The following RYR3 variants were observed in gnomAD, a reference collection of about 807,000 sequenced individuals.
RYR3 encodes the protein brain ryanodine receptor-calcium release channel.
A neutral mutation model predicts 584.3 loss-of-function variants in RYR3; 207 were observed. That is an observed-to-expected ratio of 0.35 (90% CI 0.32 to 0.40). The LOEUF (loss-of-function observed/expected upper bound fraction) is 0.40, where lower values mean the gene tolerates loss of function less well. Ranked by LOEUF, RYR3 falls within the 10% of genes least tolerant of loss-of-function variation. RYR3 has a pLI of 1.00. For synonymous variants in RYR3, 2,416 were observed against 2,248.5 expected (o/e 1.07, Z -2.11); for missense variants, 5,616 against 6,089.2 (o/e 0.92, Z 2.59).
At chr15:33,635,558 G>A (rs2061458194) in intron 25 of RYR3, 56 bp from the exon 26 acceptor site, 13 of 1,342,322 alleles carry the variant, frequency 9.7e-6, no homozygotes, top group Non-Finnish European at 1.4e-5. Flanking sequence ...ATTATTGAAG[G>A]TCTACGTTCT....
intron 38 of RYR3, among the ~76,000 whole-genome samples, chr15:33,681,613 A>C (rs1266685009): frequency 1.3e-5 from 2 of 152,228 alleles, no homozygotes; most frequent in Non-Finnish European, 2.9e-5. Context: ...CCACCTGTTC[A>C]TGCCTCCAGA....
intron 1 of RYR3, among the ~76,000 whole-genome samples, chr15:33,427,585 T>C (rs1041180007): frequency 6.6e-6 from 1 of 152,206 alleles, no homozygotes; most frequent in African/African-American, 2.4e-5. Flanking sequence ...GATGACAATC[T>C]TTTTTCAAAC....
chr15:33,368,261 C>G (rs1296006339), intron 1 of RYR3, among the ~76,000 whole-genome samples: 1 of 151,076 alleles, frequency 6.6e-6, no homozygotes, highest in Non-Finnish European at 1.5e-5. Flanking sequence ...TATATAACAT[C>G]GGAGTAGATT....
At chr15:33,747,916 G>A (rs540777438) in intron 53 of RYR3, among the ~76,000 whole-genome samples, 198 bp from the exon 54 acceptor site, 6 of 152,266 alleles carry the variant, frequency 3.9e-5, no homozygotes, top group South Asian at 2.1e-4. Context: ...AGGAAAGACC[G>A]TAGGGTCTTA....
chr15:33,784,598 G>A (rs187017028), intron 65 of RYR3, among the ~76,000 whole-genome samples: 6 of 152,294 alleles, frequency 3.9e-5, no homozygotes, highest in Admixed American at 1.3e-4. Flanking sequence ...CTTCAGTGCC[G>A]GATGTTTTTG....
intron 38 of RYR3, among the ~76,000 whole-genome samples, chr15:33,678,303 T>C (rs1434017990): frequency 6.6e-6 from 1 of 152,152 alleles, no homozygotes; most frequent in Non-Finnish European, 1.5e-5. Flanking sequence ...ACTTCCCCCA[T>C]GCTGTTCTCA....
intron 47 of RYR3, 138 bp from the exon 48 acceptor site, chr15:33,731,336 A>G: frequency 6.7e-6 from 4 of 592,872 alleles, no homozygotes; most frequent in Non-Finnish European, 1.2e-5. Flanking sequence ...CCGATAAGGT[A>G]GAAAGTTGTT....
At chr15:33,748,033 A>T in intron 53 of RYR3, 81 bp from the exon 54 acceptor site, 2 of 1,356,672 alleles carry the variant, frequency 1.5e-6, no homozygotes, top group East Asian at 2.3e-5. Context: ...CCACAGTGGG[A>T]TGCACCTTCC....
intron 1 of RYR3, among the ~76,000 whole-genome samples, chr15:33,366,499 A>C (rs1253882413): frequency 1.3e-5 from 2 of 152,218 alleles, no homozygotes; most frequent in Non-Finnish European, 2.9e-5. Context: ...CCTGCACTTA[A>C]TTTCAAAAAG....
rs574707803 is a variant in RYR3 at position 33,668,381 on chromosome 15, C to T, written c.5620-973C>T. 2.5e-3 allele frequency among the ~76,000 whole-genome samples: 376 copies of T among 151,828 alleles called. 6 individuals are homozygous for T. The highest frequency in any genetic ancestry group is 7.9e-4 in the Non-Finnish European group (54 of 67,952). On this transcript the variant is annotated intron_variant, in intron 36 of 103. Coordinates refer to ENST00000634891, the MANE Select transcript of RYR3 (RefSeq NM_001036.6). ...ATTAAAAGCTGACCAAAAGCTGGGC[C>T]AATACATGTAGAGTATAAAAGTATA...
At chr15:33,530,388 C>G (rs1300218538) in intron 3 of RYR3, among the ~76,000 whole-genome samples, 1 of 152,226 alleles carries the variant, frequency 6.6e-6, no homozygotes, top group Non-Finnish European at 1.5e-5. Context: ...TGGTCCCACA[C>G]ACCCTCTCCC....
rs78142834 is a variant in RYR3 at position 33,560,511 on chromosome 15, G to A, written c.973-2326G>A. Among the ~76,000 whole-genome samples, 380 of 151,618 alleles carry A rather than the reference G, an allele frequency of 2.5e-3. 2 individuals are homozygous for A. The highest frequency in any genetic ancestry group is 8.7e-3 in the African/African-American group (359 of 41,326). On this transcript the variant is annotated intron_variant, in intron 10 of 103. Coordinates refer to ENST00000634891, the MANE Select transcript of RYR3 (RefSeq NM_001036.6). ...AAGGCAAGAAAGTAATGAAGTTACCGTATTCATTGATAGTTGGATAATATG... is the reference window on the plus strand; with the variant it reads ...AAGGCAAGAAAGTAATGAAGTTACCATATTCATTGATAGTTGGATAATATG...
At chr15:33,620,084 C>G (rs1416604737) in intron 19 of RYR3, among the ~76,000 whole-genome samples, 1 of 152,156 alleles carries the variant, frequency 6.6e-6, no homozygotes, top group African/African-American at 2.4e-5. Context: ...AGACATTTGC[C>G]TTTCTGGGAA....
chr15:33,768,769 C>T (rs1169938929), intron 61 of RYR3, 62 bp downstream of exon 61: 32 of 1,527,044 alleles, frequency 2.1e-5, no homozygotes, highest in Non-Finnish European at 2.8e-5. Flanking sequence ...TTGCACTTTG[C>T]CTTTATTTGT....
At chr15:33,603,929 G>A (rs935689579) in intron 18 of RYR3, among the ~76,000 whole-genome samples, 1 of 152,152 alleles carries the variant, frequency 6.6e-6, no homozygotes, top group African/African-American at 2.4e-5. Context: ...CTTTTTAAAC[G>A]AATTCAGGGC....
chr15:33,389,798 A>G (rs749884786), intron 1 of RYR3, among the ~76,000 whole-genome samples: 1 of 152,170 alleles, frequency 6.6e-6, no homozygotes, highest in Admixed American at 6.5e-5. Flanking sequence ...TTTATTTAAT[A>G]TCTTTTCACT....
chr15:33,742,329 C>T (rs1213748362), intron 51 of RYR3, 37 bp from the exon 52 acceptor site: 3 of 1,332,814 alleles, frequency 2.3e-6, no homozygotes, highest in East Asian at 4.6e-5. Context: ...GGCTGAAGTG[C>T]TTGGGGAGGT....
intron 27 of RYR3, 55 bp downstream of exon 27, chr15:33,636,605 G>C: frequency 6.7e-7 from 1 of 1,484,554 alleles, no homozygotes; most frequent in Admixed American, 2.2e-5. Context: ...GGAAAATATA[G>C]GGAGAGCTGA....
chr15:33,757,431 T>G, intron 59 of RYR3, 44 bp from the exon 60 acceptor site: 1 of 1,574,284 alleles, frequency 6.4e-7, no homozygotes, highest in Non-Finnish European at 8.6e-7. Flanking sequence ...AAATGAAGAG[T>G]TTTGGATAGC....
Sources: allele counts gnomAD v4.1 joint callset (sites outside exome capture counted in the v4.1 genomes callset), GRCh38; gene constraint gnomAD v4.1.1; transcripts MANE v1.5; gene names NCBI Gene and HGNC (gene_info 2026-07-23, HGNC 2026-07-21).